Variants in PCDHA1 observed in about 807,000 individuals in gnomAD.
The protein encoded by PCDHA1 is protocadherin alpha 1, also known as protocadherin alpha-1.
Under a neutral mutation model 61.3 loss-of-function variants are expected in PCDHA1, and 42 were observed. That is an observed-to-expected ratio of 0.69 (90% CI 0.54 to 0.89). PCDHA1 has a LOEUF of 0.89. PCDHA1 is among the 40% of genes least tolerant of loss of function. The probability of loss-of-function intolerance (pLI) is 0.00; values close to 1 mark genes in which losing one functional copy is unlikely to be tolerated. For missense variants in PCDHA1, 1,256 were observed against 1,235.3 expected, an observed-to-expected ratio of 1.02 and a Z score of -0.25; for synonymous variants, 610 against 553.8, an observed-to-expected ratio of 1.10 and a Z score of -1.43.
chr5:140,936,547 A>G (rs1554211059), intron 1 of PCDHA1, among the ~76,000 whole-genome samples: 1 of 152,240 alleles, frequency 6.6e-6, no homozygotes, highest in East Asian at 1.9e-4. Context: ...AGTGCAATGT[A>G]GAAGTCAAGA....
Position 140,857,323 on chromosome 5 carries a change from C to A in PCDHA1, c.2394+68639C>A, listed in dbSNP as rs782769711. 1.5e-5 allele frequency: 24 copies of A among 1,598,498 alleles called. 1 individual carries two copies. The East Asian group carries it at 5.1e-4, about 34-fold the overall frequency. On this transcript the variant is annotated intron_variant, in intron 1 of 3. Transcript: ENST00000504120. ...TGTCGGCCTATGAGCTGGTGGTGAC[C>A]GCGCGGGACGGGGGCTCGCCTCCGC...
At chr5:140,947,221 T>A (rs181563367) in intron 1 of PCDHA1, among the ~76,000 whole-genome samples, 1 of 151,730 alleles carries the variant, frequency 6.6e-6, no homozygotes, top group East Asian at 1.9e-4. Context: ...TCCTGTCATT[T>A]ATGACAGGAA....
At chr5:140,968,609 G>C (rs1554230915) in intron 1 of PCDHA1, 1 of 1,614,194 alleles carries the variant, frequency 6.2e-7, no homozygotes, top group Admixed American at 1.7e-5. Context: ...CTCAGACTCT[G>C]GGCAAAATGC....
Position 140,845,288 on chromosome 5 carries a change from C to T in PCDHA1, c.2394+56604C>T, listed in dbSNP as rs1304336704. ...CTTTGTGAAAGTAATATTTCCTATC[C>T]TGTCTATGTCTACCTGGTTCTCAGG... On this transcript the variant is annotated intron_variant, in intron 1 of 3. Coordinates refer to ENST00000504120, the MANE Select transcript of PCDHA1 (RefSeq NM_018900.4). Among the ~76,000 whole-genome samples the T allele has an allele frequency of 3.4e-5, 5 of 149,098 alleles. 1 individual carries two copies. Among genetic ancestry groups the T allele is most frequent in the African/African-American group, 9.8e-5 (4 of 40,716 alleles).
chr5:140,834,770 C>G lies in PCDHA1; in HGVS notation c.2394+46086C>G, dbSNP rs781912893. 4 of 1,613,922 alleles carry G rather than the reference C, an allele frequency of 2.5e-6. No homozygotes were observed. Among genetic ancestry groups the G allele is most frequent in the African/African-American group, 1.3e-5 (1 of 74,870 alleles). On this transcript the variant is annotated intron_variant, in intron 1 of 3. Transcript: ENST00000504120. ...TGGAGGTGAAGGACATTAACGACAACCCTCCGGTGTTCCCAGCGACACAAA... is the reference window on the plus strand; with the variant it reads ...TGGAGGTGAAGGACATTAACGACAAGCCTCCGGTGTTCCCAGCGACACAAA...
chr5:140,937,785 G>T (rs962276976), intron 1 of PCDHA1, among the ~76,000 whole-genome samples: 2 of 150,438 alleles, frequency 1.3e-5, no homozygotes, highest in African/African-American at 4.9e-5. Flanking sequence ...GGTGGCGGGC[G>T]TATGTAGTCC....
chr5:140,828,062 C>T (rs1769507184), intron 1 of PCDHA1: 1 of 1,557,484 alleles, frequency 6.4e-7, no homozygotes, highest in Non-Finnish European at 8.7e-7. Flanking sequence ...GGAAGATCTT[C>T]TAATGGAAAT....
chr5:140,958,495 C>T (rs559117374), intron 1 of PCDHA1, among the ~76,000 whole-genome samples: 1 of 152,138 alleles, frequency 6.6e-6, no homozygotes, highest in African/African-American at 2.4e-5. Context: ...TCCACATATC[C>T]TAGGAGGCAT....
At chr5:140,982,367 G>A in intron 2 of PCDHA1, 108 bp from the exon 3 acceptor site, 1 of 1,544,446 alleles carries the variant, frequency 6.5e-7, no homozygotes, top group Non-Finnish European at 8.7e-7. Context: ...AGCAGAATGT[G>A]TTAGCTGCAG....
chr5:140,836,723 A>G (rs1318584018), intron 1 of PCDHA1: 35 of 1,612,196 alleles, frequency 2.2e-5, no homozygotes, highest in Non-Finnish European at 2.9e-5. Flanking sequence ...CTCAGGGTCC[A>G]TCCTCTACAG....
chr5:140,900,845 C>CT (rs1284280086), intron 1 of PCDHA1, among the ~76,000 whole-genome samples: 1 of 152,106 alleles, frequency 6.6e-6, no homozygotes, highest in Non-Finnish European at 1.5e-5. Context: ...CAAAGTTTCC[C>CT]TTTTTTTCAC....
chr5:140,838,075 ATAGTGTGTGTGTGTGTGTGTGT>A lies in PCDHA1; in HGVS notation c.2394+49392_2394+49413del, dbSNP rs1451714583. 4.8e-3 allele frequency among the ~76,000 whole-genome samples: 618 copies of A among 128,240 alleles called. 16 individuals carry two copies. Among genetic ancestry groups the A allele is most frequent in the African/African-American group, 0.016 (526 of 32,658 alleles). The allele number at this position is 128,240 out of a possible 152,430, so 84.1% of individuals were successfully genotyped here. A position where few individuals can be genotyped will look rare whatever the true frequency, so the allele number is the denominator to read the frequency against. On this transcript the variant is annotated intron_variant, in intron 1 of 3. Transcript: ENST00000504120. ...GTTTTCCACTTTAAGTTATATATAT[ATAGTGTGTGTGTGTGTGTGTGT>A]GTGTGTGTGTGTGTGTGTGTGTGTG...
At chr5:140,829,950 T>C (rs1770704660) in intron 1 of PCDHA1, 1 of 1,613,960 alleles carries the variant, frequency 6.2e-7, no homozygotes, top group Non-Finnish European at 8.5e-7. Context: ...AGCGCTCGCT[T>C]CCCGTTTCGC....
chr5:140,836,877 C>T (rs937347859), intron 1 of PCDHA1: 1 of 682,570 alleles, frequency 1.5e-6, no homozygotes, highest in Non-Finnish European at 2.3e-6. Context: ...GCTGTATTTG[C>T]ACTAATTATT....
chr5:140,946,609 G>GAA, intron 1 of PCDHA1, among the ~76,000 whole-genome samples: 1 of 68,674 alleles, frequency 1.5e-5, no homozygotes, highest in Non-Finnish European at 2.7e-5. Flanking sequence ...AAGAAAATGT[G>GAA]AAATATATAT....
intron 3 of PCDHA1, among the ~76,000 whole-genome samples, chr5:140,985,672 G>A (rs1195009915): frequency 6.6e-6 from 1 of 151,738 alleles, no homozygotes. Flanking sequence ...AGGAAGTGGG[G>A]CCTGCCTTAC....
chr5:140,850,517 G>A, intron 1 of PCDHA1: 1 of 1,598,300 alleles, frequency 6.3e-7, no homozygotes, highest in Non-Finnish European at 8.6e-7. Context: ...AGAGCGGCCA[G>A]GCGCCAAAGT....
At chr5:140,826,181 T>C (rs2150142840) in intron 1 of PCDHA1, among the ~76,000 whole-genome samples, 1 of 152,354 alleles carries the variant, frequency 6.6e-6, no homozygotes, top group Admixed American at 6.5e-5. Context: ...ATTCTATAAA[T>C]CTAAAGTTAA....
chr5:140,918,632 C>A (rs1182828125), intron 1 of PCDHA1, among the ~76,000 whole-genome samples: 1 of 152,164 alleles, frequency 6.6e-6, no homozygotes, highest in Non-Finnish European at 1.5e-5. Flanking sequence ...TCCCCAAATT[C>A]ATAAATTGAA....
Sources: gnomAD v4.1 joint callset for allele counts (sites outside exome capture counted in the v4.1 genomes callset) on GRCh38, gnomAD v4.1.1 for gene constraint, MANE v1.5 for transcripts, NCBI Gene and HGNC (gene_info 2026-07-23, HGNC 2026-07-21) for gene names.